DMD: variants seen among roughly 807,000 people sequenced by gnomAD.
DMD encodes the protein dystrophin.
In DMD, 63 loss-of-function variants were observed where a neutral mutation model predicts 330.1. The observed-to-expected ratio is 0.19, with a 90% CI of 0.16 to 0.24. The LOEUF (loss-of-function observed/expected upper bound fraction) is 0.24. Ranked by LOEUF, DMD falls within the 10% of genes least tolerant of loss-of-function variation. The pLI is 1.00. For synonymous variants in DMD, 1,223 were observed against 959.8 expected, an observed-to-expected ratio of 1.27 and a Z score of -5.07; for missense variants, 3,344 against 2,684.1, an observed-to-expected ratio of 1.25 and a Z score of -5.43.
chrX:32,699,010 G>A (rs1031266768), intron 8 of DMD, 102 bp downstream of exon 8: 4 of 708,611 alleles, frequency 5.6e-6, no homozygotes, highest in South Asian at 2.3e-5. Context: ...ATATATACAC[G>A]TGTATATACA....
chrX:31,830,103 A>G (rs1453904242), intron 49 of DMD, among the ~76,000 whole-genome samples: 2 of 112,447 alleles, frequency 1.8e-5, no homozygotes, highest in Non-Finnish European at 3.7e-5. Flanking sequence ...TGATGCTTAC[A>G]TAAGTATTCT....
At chrX:33,080,410 T>A (rs758714049) in intron 1 of DMD, among the ~76,000 whole-genome samples, 1 of 111,572 alleles carries the variant, frequency 9.0e-6, no homozygotes, top group East Asian at 2.8e-4. Context: ...TTACATTCTC[T>A]TCAACAAAAG....
chrX:32,381,789 CT>C (rs35019598), intron 33 of DMD, among the ~76,000 whole-genome samples: 29 of 110,432 alleles, frequency 2.6e-4, no homozygotes, highest in Non-Finnish European at 2.9e-4. Context: ...GTGTTTTCAC[CT>C]TTTTTTAAAA....
chrX:33,122,693 A>C (rs1339935535), intron 1 of DMD, among the ~76,000 whole-genome samples: 3 of 112,127 alleles, frequency 2.7e-5, no homozygotes, highest in Admixed American at 9.5e-5. Context: ...TCTTGGTTTG[A>C]GTCTTGAATA....
intron 66 of DMD, among the ~76,000 whole-genome samples, chrX:31,206,299 A>AC (rs1569463562): frequency 8.9e-6 from 1 of 112,637 alleles, no homozygotes; most frequent in Non-Finnish European, 1.9e-5. Context: ...TTAGAAAATC[A>AC]GACTTTATCC....
At chrX:32,925,145 GTTTTTTTTTTT>G (rs777224221) in intron 2 of DMD, among the ~76,000 whole-genome samples, 9 of 48,530 alleles carry the variant, frequency 1.9e-4, no homozygotes, top group South Asian at 2.2e-3. Context: ...AAAACTCTGG[GTTTTTTTTTTT>G]TTTTTTTTTT....
intron 34 of DMD, among the ~76,000 whole-genome samples, chrX:32,376,542 G>A (rs1402184156): frequency 1.8e-5 from 2 of 110,836 alleles, no homozygotes; most frequent in Non-Finnish European, 1.9e-5. Context: ...ATAAATAGGC[G>A]ATGAAATACT....
At position 32,365,003 on chromosome X, in the gene DMD, C is replaced by T. The variant is rs970955064; in HGVS notation, c.5025+17G>A. On this transcript the variant is annotated intron_variant, in intron 35 of 78. Coordinates refer to ENST00000357033, the MANE Select transcript of DMD (RefSeq NM_004006.3). ...GTGACAGAGAAGGGTGTAAAAGCTTCTAGCCTTTTCTCTTACCAACAAAAG... is the reference window on the plus strand; with the variant it reads ...GTGACAGAGAAGGGTGTAAAAGCTTTTAGCCTTTTCTCTTACCAACAAAAG... 6 of 1,206,203 alleles carry T rather than the reference C, an allele frequency of 5.0e-6. No individual in the cohort carries two copies. The highest frequency in any genetic ancestry group is 1.8e-5 in the South Asian group (1 of 56,742).
intron 51 of DMD, among the ~76,000 whole-genome samples, chrX:31,750,940 C>T (rs747207309): frequency 2.8e-5 from 3 of 106,644 alleles, no homozygotes; most frequent in South Asian, 4.2e-4. Context: ...AACTTACAAG[C>T]GATGTGAAGG....
intron 63 of DMD, among the ~76,000 whole-genome samples, chrX:31,253,828 G>GCT (rs1016692005): frequency 2.7e-5 from 3 of 111,876 alleles, no homozygotes; most frequent in South Asian, 7.5e-4. Context: ...AGGGCTACGT[G>GCT]CTGATAGACT....
At chrX:31,228,135 C>T (rs759843094) in intron 63 of DMD, among the ~76,000 whole-genome samples, 76 of 103,919 alleles carry the variant, frequency 7.3e-4, no homozygotes, top group Non-Finnish European at 1.3e-3. Flanking sequence ...GGGGATAGCA[C>T]TGGGTGATAT....
intron 15 of DMD, among the ~76,000 whole-genome samples, chrX:32,573,166 G>T (rs183492153): frequency 9.0e-6 from 1 of 111,441 alleles, no homozygotes; most frequent in African/African-American, 3.3e-5. Flanking sequence ...GATAACCGTC[G>T]CTTGTAACTC....
intron 2 of DMD, among the ~76,000 whole-genome samples, chrX:32,883,840 A>AAAC (rs1557113597): frequency 1.0e-5 from 1 of 99,892 alleles, no homozygotes; most frequent in Non-Finnish European, 2.0e-5. Context: ...AAAAAAAAAA[A>AAAC]AAAAAAAAAA....
Position 32,217,009 on chromosome X carries a change from T to C in DMD, c.6345A>G (p.Ile2115Met), listed in dbSNP as rs754245656. 4.5e-5 allele frequency: 54 copies of C among 1,206,739 alleles called. No homozygotes were observed. Among genetic ancestry groups the C allele is most frequent in the Non-Finnish European group, 5.9e-5 (53 of 892,545 alleles). Residue 2115 changes from isoleucine (I) to methionine (M), a missense_variant, in exon 44 of 79, where the codon ATA (isoleucine) becomes ATG (methionine). Physicochemically the swap from Ile to Met is conservative, Grantham distance 10. Coordinates refer to ENST00000357033, the MANE Select transcript of DMD (RefSeq NM_004006.3). ...CAGCTTCTGTTAGCCACTGATTAAA[T>C]ATCTTTATATCATAATGAAAACGCC... ...KWRRFHYDIK[I>M]FNQWLTEAEQ...
At chrX:31,664,317 G>A (rs1490917916) in intron 53 of DMD, among the ~76,000 whole-genome samples, 6 of 111,304 alleles carry the variant, frequency 5.4e-5, no homozygotes, top group Non-Finnish European at 5.7e-5. Flanking sequence ...ATTCATGAAA[G>A]GCAATATGGG....
intron 51 of DMD, among the ~76,000 whole-genome samples, chrX:31,761,144 C>T: frequency 9.0e-6 from 1 of 110,542 alleles, no homozygotes; most frequent in Non-Finnish European, 1.9e-5. Context: ...CTCATCCTCC[C>T]AAAGTGCTGG....
chrX:33,178,680 C>T (rs2049807105), intron 1 of DMD, among the ~76,000 whole-genome samples: 1 of 112,378 alleles, frequency 8.9e-6, no homozygotes, highest in Non-Finnish European at 1.9e-5. Context: ...TTAATGCAAA[C>T]GTGTGGAATA....
chrX:33,048,618 C>T (rs981474182), intron 1 of DMD, among the ~76,000 whole-genome samples: 5 of 96,627 alleles, frequency 5.2e-5, no homozygotes, highest in South Asian at 5.4e-4. Flanking sequence ...CGCTTGAACC[C>T]GGGAGGTGGA....
intron 45 of DMD, among the ~76,000 whole-genome samples, chrX:31,959,234 T>C (rs1379786442): frequency 9.0e-6 from 1 of 111,663 alleles, no homozygotes; most frequent in Admixed American, 9.5e-5. Flanking sequence ...ATCTAAAGCA[T>C]ATAAAAACGT....
Sources: gnomAD v4.1 joint callset for allele counts (sites outside exome capture counted in the v4.1 genomes callset) on GRCh38, gnomAD v4.1.1 for gene constraint, MANE v1.5 for transcripts, NCBI Gene and HGNC (gene_info 2026-07-23, HGNC 2026-07-21) for gene names.